RGS20: variants seen among roughly 807,000 people sequenced by gnomAD.
The protein encoded by RGS20 is regulator of G protein signaling 20.
In RGS20, 30 loss-of-function variants were observed where a neutral mutation model predicts 33.6. The observed-to-expected ratio is 0.89, with a 90% confidence interval of 0.67 to 1.21. RGS20 has a LOEUF of 1.21. RGS20 is among the 50% of genes most tolerant of loss of function. RGS20 has a pLI of 0.00. For missense variants in RGS20, 472 were observed against 502.4 expected, an observed-to-expected ratio of 0.94 and a Z score of 0.58; for synonymous variants, 208 against 197.9, an observed-to-expected ratio of 1.05 and a Z score of -0.43.
rs1812996316 is a variant in RGS20 at position 53,900,810 on chromosome 8, G to A, written c.510+21208G>A. On this transcript the variant is annotated intron_variant, in intron 2 of 5. Coordinates refer to ENST00000297313, the MANE Select transcript of RGS20 (RefSeq NM_170587.4). ...TTGCACCAGACTGCTGGACATTCCT[G>A]GCCCAGTTCTCTGTTTTAAGCGAGT... 2.0e-5 allele frequency among the ~76,000 whole-genome samples: 3 copies of A among 152,118 alleles called. No homozygotes were observed. The South Asian group carries it at 6.2e-4, about 32-fold the overall frequency.
At chr8:53,935,675 G>C (rs1189267933) in intron 2 of RGS20, among the ~76,000 whole-genome samples, 1 of 152,058 alleles carries the variant, frequency 6.6e-6, no homozygotes, top group Admixed American at 6.6e-5. Flanking sequence ...TCTACCAGAG[G>C]TACAAAGAGG....
At chr8:53,904,407 C>T (rs570041578) in intron 2 of RGS20, among the ~76,000 whole-genome samples, 1 of 152,338 alleles carries the variant, frequency 6.6e-6, no homozygotes, top group African/African-American at 2.4e-5. Flanking sequence ...GCTAGGATTA[C>T]AGGCGTGAGC....
At chr8:53,918,096 C>T (rs1813541318) in intron 2 of RGS20, among the ~76,000 whole-genome samples, 1 of 152,148 alleles carries the variant, frequency 6.6e-6, no homozygotes, top group African/African-American at 2.4e-5. Flanking sequence ...TCATATAAAT[C>T]ATACACCGTA....
At chr8:53,860,956 G>C (rs1415526774) in intron 1 of RGS20, among the ~76,000 whole-genome samples, 2 of 151,086 alleles carry the variant, frequency 1.3e-5, no homozygotes, top group Non-Finnish European at 2.9e-5. Flanking sequence ...AACAGAGTGA[G>C]ACCCTGTCTC....
chr8:53,905,809 C>CA (rs1813149235), intron 2 of RGS20, among the ~76,000 whole-genome samples: 1 of 151,866 alleles, frequency 6.6e-6, no homozygotes, highest in Admixed American at 6.6e-5. Flanking sequence ...AGCGAGCAGC[C>CA]AAAAAAAGAC....
chr8:53,879,210 A>AC lies in RGS20; in HGVS notation c.166-47dup, dbSNP rs768293589. On this transcript the variant is annotated intron_variant, in intron 1 of 5. Transcript: ENST00000297313. ...TAAAGAGCCCCATCTAAGCGGCCGG[A>AC]CACCACAGTAACCGTATGCTGGTTT... 6.0e-6 allele frequency: 9 copies of AC among 1,509,920 alleles called. No homozygotes were observed. The South Asian group carries it at 6.8e-5, about 11-fold the overall frequency. 93.5% of individuals were successfully genotyped at this position (1,509,920 alleles called of 1,614,324 possible). A position where few individuals can be genotyped will look rare whatever the true frequency, so the allele number is the denominator to read the frequency against.
At chr8:53,900,937 G>A (rs550957189) in intron 2 of RGS20, among the ~76,000 whole-genome samples, 2 of 152,210 alleles carry the variant, frequency 1.3e-5, no homozygotes, top group South Asian at 2.1e-4. Context: ...CCCCAGTCAC[G>A]GCAGGGCTGT....
At chr8:53,931,367 C>T (rs1813954112) in intron 2 of RGS20, among the ~76,000 whole-genome samples, 1 of 152,092 alleles carries the variant, frequency 6.6e-6, no homozygotes, top group Non-Finnish European at 1.5e-5. Flanking sequence ...CCAGCTTGGC[C>T]AACATGGTGA....
chr8:53,862,505 T>G (rs1811831723), intron 1 of RGS20, among the ~76,000 whole-genome samples: 1 of 152,128 alleles, frequency 6.6e-6, no homozygotes, highest in South Asian at 2.1e-4. Context: ...TGTCTTCACT[T>G]CAAAACCTCC....
At chr8:53,856,590 G>A (rs1036698468) in intron 1 of RGS20, among the ~76,000 whole-genome samples, 11 of 152,178 alleles carry the variant, frequency 7.2e-5, no homozygotes, top group African/African-American at 2.7e-4. Flanking sequence ...GGGAGGGCGG[G>A]TGAACTCTAG....
chr8:53,902,575 A>G (rs73587690), intron 2 of RGS20, among the ~76,000 whole-genome samples: 10,273 of 152,176 alleles, frequency 0.068, 1,046 homozygotes, highest in African/African-American at 0.22. Flanking sequence ...TCATTATTTT[A>G]GCTGCTCTTT....
chr8:53,909,407 A>G (rs1238480921), intron 2 of RGS20, among the ~76,000 whole-genome samples: 2 of 151,022 alleles, frequency 1.3e-5, no homozygotes, highest in Admixed American at 1.3e-4. Flanking sequence ...GCACCACCAT[A>G]TATGGCTAAT....
In RGS20 at chr8:53,879,505, C is replaced by G. The variant is rs1189121616; in HGVS notation, c.413C>G (p.Pro138Arg). 7.1e-6 allele frequency: 11 copies of G among 1,549,926 alleles called. No individual in the cohort carries two copies. Among genetic ancestry groups the G allele is most frequent in the African/African-American group, 1.4e-5 (1 of 72,280 alleles). ...CTGCTCGGGGCGGCGCTGGCACTGC[C>G]CGGCCGACCCTCGGGGGGTCGTCCG... The change falls in exon 2 of 6, where the codon CCC becomes CGC. Residue 138 changes from proline to arginine, a missense_variant. Around this residue, in one of 3 missense-constraint regions of RGS20, gnomAD observed 319 missense variants for 283.4 expected, o/e 1.13. Transcript: ENST00000297313.
At chr8:53,887,705 G>C (rs1812588915) in intron 2 of RGS20, among the ~76,000 whole-genome samples, 1 of 152,176 alleles carries the variant, frequency 6.6e-6, no homozygotes. Flanking sequence ...GGCCAGGCGT[G>C]GTGGCTCACG....
At position 53,879,382 on chromosome 8, in the gene RGS20, C is replaced by G; in HGVS notation, c.290C>G (p.Ala97Gly). The G allele has an allele frequency of 6.2e-7, 1 of 1,611,400 alleles. No homozygotes were observed. The highest frequency in any genetic ancestry group is 8.5e-7 in the Non-Finnish European group (1 of 1,179,774). ...CTTCTCCGGCGACCCCCTCCCGAGG[C>G]TCCCCGGAGGCGCCTGGACTTCTCC... Residue 97 changes from alanine to glycine, a missense_variant, in exon 2 of 6, where the codon GCT (alanine) becomes GGT (glycine). Ala to Gly is a moderately conservative substitution (Grantham distance 60). This residue lies in a region of RGS20 where 319 missense variants were observed against 283.4 expected (regional missense o/e 1.13). Transcript: ENST00000297313.
At chr8:53,858,314 T>C (rs1159454256) in intron 1 of RGS20, among the ~76,000 whole-genome samples, 1 of 152,060 alleles carries the variant, frequency 6.6e-6, no homozygotes, top group Non-Finnish European at 1.5e-5. Context: ...TACACTCCAC[T>C]TACAATTCTG....
chr8:53,880,977 CCTCCGCGCTG>C (rs767979569), intron 2 of RGS20: 1 of 1,588,358 alleles, frequency 6.3e-7, no homozygotes, highest in East Asian at 2.3e-5. Flanking sequence ...AGAGGGCAGC[CCTCCGCGCTG>C]CAATATTGAG....
intron 1 of RGS20, among the ~76,000 whole-genome samples, chr8:53,864,216 G>A (rs1278025471): frequency 3.3e-5 from 5 of 151,146 alleles, no homozygotes; most frequent in African/African-American, 7.3e-5. Context: ...ACTTGAGGTC[G>A]ATCAGGAGTT....
intron 1 of RGS20, among the ~76,000 whole-genome samples, chr8:53,874,414 G>A (rs1812151511): frequency 6.6e-6 from 1 of 151,130 alleles, no homozygotes. Context: ...GCGCGCGTGT[G>A]CTTGCGTGCA....
Sources: gnomAD v4.1 joint callset for allele counts (sites outside exome capture counted in the v4.1 genomes callset) on GRCh38, gnomAD v4.1.1 for gene constraint, gnomAD v4.1.1 regional missense constraint, MANE v1.5 for transcripts, NCBI Gene and HGNC (gene_info 2026-07-23, HGNC 2026-07-21) for gene names.